The following GRIK4 variants were observed in gnomAD, a reference collection of about 807,000 sequenced individuals.
GRIK4 encodes glutamate receptor ionotropic, kainate 4.
In GRIK4, 40 loss-of-function variants were observed where a neutral mutation model predicts 104.9. The observed-to-expected ratio is 0.38, with a 90% confidence interval of 0.30 to 0.50. The LOEUF is 0.50. Ranked by LOEUF, GRIK4 falls within the 20% of genes least tolerant of loss-of-function variation. The probability of loss-of-function intolerance (pLI) is 0.93; values close to 1 mark genes in which losing one functional copy is unlikely to be tolerated. For missense variants in GRIK4, 1,047 were observed against 1,308.1 expected, an observed-to-expected ratio of 0.80 and a Z score of 3.08; for synonymous variants, 485 against 524.9, an observed-to-expected ratio of 0.92 and a Z score of 1.04.
At chr11:120,982,566 A>G (rs1223651331) in intron 20 of GRIK4, among the ~76,000 whole-genome samples, 4 of 152,132 alleles carry the variant, frequency 2.6e-5, no homozygotes, top group Admixed American at 6.5e-5. Flanking sequence ...CAAGAATTTT[A>G]TCCCCCTTCT....
At chr11:120,957,996 A>AC (rs2134717245) in intron 16 of GRIK4, among the ~76,000 whole-genome samples, 1 of 152,348 alleles carries the variant, frequency 6.6e-6, no homozygotes, top group Non-Finnish European at 1.5e-5. Flanking sequence ...TGAATGGATC[A>AC]CCATGGAGAA....
chr11:120,570,326 TC>T (rs1202031209), intron 1 of GRIK4, among the ~76,000 whole-genome samples: 1 of 152,208 alleles, frequency 6.6e-6, no homozygotes, highest in African/African-American at 2.4e-5. Context: ...TCCCTCAACC[TC>T]CCTTTTTTGA....
chr11:120,892,167 G>C (rs1955320110), intron 11 of GRIK4, among the ~76,000 whole-genome samples: 1 of 152,156 alleles, frequency 6.6e-6, no homozygotes, highest in South Asian at 2.1e-4. Flanking sequence ...TGGCGGGAAG[G>C]AGCCTGTTGC....
intron 12 of GRIK4, among the ~76,000 whole-genome samples, chr11:120,900,735 TC>T (rs1942712074): frequency 6.6e-6 from 1 of 152,020 alleles, no homozygotes; most frequent in African/African-American, 2.4e-5. Context: ...GGAGGGGTAT[TC>T]TTGGCACAGG....
At chr11:120,675,281 G>A (rs564540306) in intron 3 of GRIK4, among the ~76,000 whole-genome samples, 1 of 152,350 alleles carries the variant, frequency 6.6e-6, no homozygotes, top group South Asian at 2.1e-4. Context: ...CTCTGGGAGA[G>A]TTGCTGCAGT....
chr11:120,619,722 T>C (rs940350864), intron 1 of GRIK4, among the ~76,000 whole-genome samples: 2 of 152,166 alleles, frequency 1.3e-5, no homozygotes, highest in Non-Finnish European at 2.9e-5. Context: ...GCTATGGCCA[T>C]GTGAAGTGCT....
intron 6 of GRIK4, among the ~76,000 whole-genome samples, chr11:120,821,700 T>G (rs1953130121): frequency 6.6e-6 from 1 of 152,198 alleles, no homozygotes; most frequent in African/African-American, 2.4e-5. Flanking sequence ...CAAAGCCTTG[T>G]TCAACAGGCA....
At chr11:120,681,012 T>C (rs983290795) in intron 3 of GRIK4, among the ~76,000 whole-genome samples, 3 of 152,170 alleles carry the variant, frequency 2.0e-5, no homozygotes, top group Non-Finnish European at 2.9e-5. Context: ...CTGGCCCTGA[T>C]GCCCGACTCC....
chr11:120,923,599 G>A (rs1177889704), intron 13 of GRIK4, among the ~76,000 whole-genome samples: 7 of 151,960 alleles, frequency 4.6e-5, no homozygotes, highest in African/African-American at 1.5e-4. Flanking sequence ...ATTTGTAGTA[G>A]AGACGGGGTT....
At chr11:120,980,059 C>T (rs1464495883) in intron 19 of GRIK4, among the ~76,000 whole-genome samples, 2 of 152,192 alleles carry the variant, frequency 1.3e-5, no homozygotes, top group South Asian at 4.1e-4. Flanking sequence ...TGGTCTCGAA[C>T]TCCTGACATC....
intron 1 of GRIK4, among the ~76,000 whole-genome samples, chr11:120,515,483 G>A (rs1298834765): frequency 3.9e-5 from 6 of 152,242 alleles, no homozygotes; most frequent in Non-Finnish European, 5.9e-5. Flanking sequence ...ACCTGCATGG[G>A]TATGGAGGGC....
chr11:120,585,347 T>C (rs886336843), intron 1 of GRIK4, among the ~76,000 whole-genome samples: 1 of 151,226 alleles, frequency 6.6e-6, no homozygotes, highest in African/African-American at 2.4e-5. Flanking sequence ...CTCTCTCTTT[T>C]TTTTTTTTCT....
chr11:120,594,907 G>A (rs1948781995), intron 1 of GRIK4, among the ~76,000 whole-genome samples: 2 of 152,208 alleles, frequency 1.3e-5, no homozygotes, highest in African/African-American at 4.8e-5. Flanking sequence ...ATGCCTGCAT[G>A]CGTCCTTCCT....
intron 8 of GRIK4, among the ~76,000 whole-genome samples, chr11:120,860,078 C>T (rs1390086566): frequency 6.6e-6 from 1 of 152,196 alleles, no homozygotes; most frequent in Non-Finnish European, 1.5e-5. Context: ...ATCTTTCTTC[C>T]TGGCCAGAAG....
intron 3 of GRIK4, among the ~76,000 whole-genome samples, chr11:120,784,264 T>C (rs1413466486): frequency 6.6e-6 from 1 of 152,214 alleles, no homozygotes; most frequent in Non-Finnish European, 1.5e-5. Context: ...TTCCCTGTAC[T>C]GGCTCCTTCC....
intron 1 of GRIK4, among the ~76,000 whole-genome samples, chr11:120,562,546 C>T (rs939472921): frequency 5.9e-5 from 9 of 152,060 alleles, no homozygotes; most frequent in Non-Finnish European, 1.0e-4. Context: ...CTGGTGGGGG[C>T]TGGGGAAGAG....
chr11:120,868,084 G>A (rs1383321092), intron 9 of GRIK4: 7 of 152,142 alleles, frequency 4.6e-5, no homozygotes, highest in Non-Finnish European at 1.0e-4. Flanking sequence ...GGAGGATCCT[G>A]GGAATCCCGT....
chr11:120,970,047 G>A (rs570922921), intron 19 of GRIK4, among the ~76,000 whole-genome samples: 3 of 152,242 alleles, frequency 2.0e-5, no homozygotes, highest in South Asian at 4.2e-4. Context: ...ACAGAGCCAG[G>A]CACATAGTAG....
At chr11:120,706,275 A>C (rs11603713) in intron 3 of GRIK4, among the ~76,000 whole-genome samples, 1 of 152,098 alleles carries the variant, frequency 6.6e-6, no homozygotes, top group South Asian at 2.1e-4. Context: ...AACTCCACCC[A>C]TAGCTGCCCT....
Sources: allele counts gnomAD v4.1 joint callset (sites outside exome capture counted in the v4.1 genomes callset), GRCh38; gene constraint gnomAD v4.1.1; transcripts MANE v1.5; gene names NCBI Gene and HGNC (gene_info 2026-07-23, HGNC 2026-07-21).